Variants in SHANK2 observed in about 807,000 individuals in gnomAD.
The protein encoded by SHANK2 is SH3 and multiple ankyrin repeat domains 2.
Under a neutral mutation model 133.7 loss-of-function variants are expected in SHANK2, and 43 were observed. The ratio of observed to expected loss-of-function variants is 0.32; its 90% CI spans 0.25 to 0.41. The LOEUF is 0.41. Among genes scored for constraint, SHANK2 ranks in the 10% least tolerant of loss-of-function variants. SHANK2 has a pLI of 1.00. For synonymous variants in SHANK2, 1,017 were observed against 952.8 expected (o/e 1.07, Z -1.24); for missense variants, 1,994 against 2,235.8 (o/e 0.89, Z 2.18).
At chr11:70,690,488 GT>G (rs35737323) in intron 15 of SHANK2, among the ~76,000 whole-genome samples, 1 of 32,816 alleles carries the variant, frequency 3.0e-5, no homozygotes, top group Non-Finnish European at 5.1e-5. Flanking sequence ...TACTTCCCAT[GT>G]TTTTTTTTTT....
intron 15 of SHANK2, among the ~76,000 whole-genome samples, chr11:70,667,567 C>A (rs1284734755): frequency 6.6e-6 from 1 of 152,172 alleles, no homozygotes; most frequent in African/African-American, 2.4e-5. Flanking sequence ...TCCCACTGGG[C>A]GCCATGACAG....
At chr11:71,168,321 G>C (rs1565491886) in intron 2 of SHANK2, among the ~76,000 whole-genome samples, 2 of 139,082 alleles carry the variant, frequency 1.4e-5, no homozygotes, top group African/African-American at 5.7e-5. Context: ...GCCGGGCAGA[G>C]ACGCTCCTCA....
chr11:70,717,555 C>T (rs934202039), intron 14 of SHANK2, among the ~76,000 whole-genome samples: 2 of 152,220 alleles, frequency 1.3e-5, no homozygotes, highest in South Asian at 4.1e-4. Flanking sequence ...AAGCCATTGC[C>T]ACCCCGTCTC....
chr11:70,742,275 C>G (rs561177942), intron 14 of SHANK2, among the ~76,000 whole-genome samples: 17 of 152,268 alleles, frequency 1.1e-4, no homozygotes, highest in African/African-American at 3.8e-4. Context: ...CTTCAAAACC[C>G]AGGTGGACTG....
intron 8 of SHANK2, among the ~76,000 whole-genome samples, chr11:71,076,740 G>C (rs1215993013): frequency 2.0e-5 from 3 of 152,052 alleles, no homozygotes; most frequent in African/African-American, 7.2e-5. Context: ...TCCAGGGAAG[G>C]CCTCCCCACC....
intron 6 of SHANK2, among the ~76,000 whole-genome samples, chr11:71,104,882 T>A (rs1253718375): frequency 6.6e-6 from 1 of 152,218 alleles, no homozygotes; most frequent in African/African-American, 2.4e-5. Context: ...GACCTGTGGG[T>A]CTGCACTTGG....
intron 14 of SHANK2, among the ~76,000 whole-genome samples, chr11:70,793,453 G>C (rs1947839206): frequency 6.6e-6 from 1 of 152,132 alleles, no homozygotes; most frequent in Non-Finnish European, 1.5e-5. Context: ...GCATATATTT[G>C]ACAAAGGACT....
chr11:71,203,797 T>C (rs901957489), intron 2 of SHANK2, among the ~76,000 whole-genome samples: 8 of 152,136 alleles, frequency 5.3e-5, no homozygotes, highest in African/African-American at 1.9e-4. Flanking sequence ...CTCAGGGGCC[T>C]GGGGACTAAG....
At chr11:70,688,964 T>C (rs1945214961) in intron 15 of SHANK2, among the ~76,000 whole-genome samples, 1 of 152,246 alleles carries the variant, frequency 6.6e-6, no homozygotes, top group Admixed American at 6.5e-5. Flanking sequence ...ATGTCTATCT[T>C]TGCTTAGAAC....
chr11:70,543,379 T>C (rs2059647226), intron 17 of SHANK2, among the ~76,000 whole-genome samples: 1 of 152,052 alleles, frequency 6.6e-6, no homozygotes, highest in South Asian at 2.1e-4. Flanking sequence ...GATTAGAGGG[T>C]TGGAATTTTC....
chr11:70,757,059 G>C (rs935056496), intron 14 of SHANK2, among the ~76,000 whole-genome samples: 1 of 152,184 alleles, frequency 6.6e-6, no homozygotes, highest in Non-Finnish European at 1.5e-5. Flanking sequence ...GAAGGTCAAA[G>C]GCTGGCAGGT....
chr11:70,817,054 C>T (rs1555054554), intron 12 of SHANK2, among the ~76,000 whole-genome samples: 1 of 152,216 alleles, frequency 6.6e-6, no homozygotes, highest in Admixed American at 6.5e-5. Context: ...ATGCATATGG[C>T]CCTATGCAGG....
chr11:70,588,927 C>G (rs1565155803), intron 17 of SHANK2, among the ~76,000 whole-genome samples: 1 of 152,222 alleles, frequency 6.6e-6, no homozygotes, highest in Admixed American at 6.5e-5. Flanking sequence ...ATGCCATTCT[C>G]CTGCCTCAGC....
intron 14 of SHANK2, among the ~76,000 whole-genome samples, chr11:70,714,268 T>A (rs1207910501): frequency 2.0e-5 from 3 of 152,240 alleles, no homozygotes; most frequent in African/African-American, 7.2e-5. Context: ...AAGAGCCACA[T>A]GCCCAGATCA....
intron 17 of SHANK2, among the ~76,000 whole-genome samples, chr11:70,578,847 C>T (rs1211974840): frequency 8.5e-5 from 13 of 152,256 alleles, no homozygotes; most frequent in South Asian, 2.1e-4. Context: ...GTTTAGATGT[C>T]GGGGATGCAA....
chr11:70,480,432 G>A (rs2058718735), intron 25 of SHANK2, among the ~76,000 whole-genome samples: 1 of 152,164 alleles, frequency 6.6e-6, no homozygotes, highest in Non-Finnish European at 1.5e-5. Flanking sequence ...TCTGCACGTG[G>A]TTATTTTTAC....
At chr11:70,793,196 C>CA (rs1364625120) in intron 14 of SHANK2, among the ~76,000 whole-genome samples, 1 of 152,226 alleles carries the variant, frequency 6.6e-6, no homozygotes, top group African/African-American at 2.4e-5. Context: ...CTGCATGGGT[C>CA]AACTTACATG....
At chr11:71,205,848 C>T (rs1954116675) in intron 2 of SHANK2, among the ~76,000 whole-genome samples, 1 of 152,076 alleles carries the variant, frequency 6.6e-6, no homozygotes, top group South Asian at 2.1e-4. Flanking sequence ...GGGGCCATGT[C>T]AAGAGTCGTT....
In SHANK2 at chr11:70,785,033, G is replaced by A. The variant is rs1169599280; in HGVS notation, c.1777+13410C>T. Among the ~76,000 whole-genome samples the A allele has an allele frequency of 2.0e-5, 3 of 152,204 alleles. No homozygotes were observed. The East Asian group carries it at 5.8e-4, about 29-fold the overall frequency. On this transcript the variant is annotated intron_variant, in intron 14 of 25. Transcript: ENST00000601538. ...CTTCCCAGGAGGGCCATCTGCAGTG[G>A]GTCTCTGGGTTTCCATGGGGTGTCC...
Sources: gnomAD v4.1 joint callset for allele counts (sites outside exome capture counted in the v4.1 genomes callset) on GRCh38, gnomAD v4.1.1 for gene constraint, MANE v1.5 for transcripts, NCBI Gene and HGNC (gene_info 2026-07-23, HGNC 2026-07-21) for gene names.